The following PPARD variants were observed in gnomAD, a reference collection of about 807,000 sequenced individuals.
The protein encoded by PPARD is peroxisome proliferator-activated receptor delta.
Under a neutral mutation model 39.5 loss-of-function variants are expected in PPARD, and 6 were observed. The observed-to-expected ratio is 0.15, with a 90% CI of 0.08 to 0.30. PPARD has a LOEUF of 0.30. Ranked by LOEUF, PPARD falls within the 10% of genes least tolerant of loss-of-function variation. The probability of loss-of-function intolerance (pLI) is 1.00; values close to 1 mark genes in which losing one functional copy is unlikely to be tolerated. For synonymous variants in PPARD, 210 were observed against 231.3 expected, an observed-to-expected ratio of 0.91 and a Z score of 0.83; for missense variants, 397 against 596.8, an observed-to-expected ratio of 0.67 and a Z score of 3.49.
chr6:35,368,525 G>T (rs73745201), intron 2 of PPARD, among the ~76,000 whole-genome samples: 1 of 152,134 alleles, frequency 6.6e-6, no homozygotes, highest in African/African-American at 2.4e-5. Context: ...CAGGGATGGC[G>T]TCCAGGAACC....
chr6:35,358,109 C>G (rs540530402), intron 2 of PPARD, among the ~76,000 whole-genome samples: 11 of 152,236 alleles, frequency 7.2e-5, no homozygotes, highest in Admixed American at 3.3e-4. Flanking sequence ...GGGGATTATC[C>G]TAGATTATCT....
At chr6:35,388,120 C>T (rs570866351) in intron 2 of PPARD, among the ~76,000 whole-genome samples, 4 of 151,654 alleles carry the variant, frequency 2.6e-5, no homozygotes, top group African/African-American at 4.8e-5. Context: ...TTTTCCAGTG[C>T]GATCCTTCTA....
At chr6:35,389,418 TCTC>T (rs1344485710) in intron 2 of PPARD, among the ~76,000 whole-genome samples, 1 of 152,116 alleles carries the variant, frequency 6.6e-6, no homozygotes, top group Non-Finnish European at 1.5e-5. Context: ...TTCAGGCAAT[TCTC>T]CTGCCTCAGC....
rs542905547 is a variant in PPARD at position 35,383,321 on chromosome 6, C to T, written c.-101-27666C>T. Among the ~76,000 whole-genome samples, 4 of 151,556 alleles carry T rather than the reference C, an allele frequency of 2.6e-5. No homozygotes were observed. The South Asian group carries it at 8.4e-4, about 32-fold the overall frequency. The stretch of plus-strand genomic sequence containing the variant: ...GCTCAGCAAACAAATGGGTAACTTG[C>T]GCACTCAGTGCTCGGTGGTGCCCAG... On this transcript the variant is annotated intron_variant, in intron 2 of 7. Transcript: ENST00000360694.
intron 2 of PPARD, among the ~76,000 whole-genome samples, chr6:35,399,168 C>T (rs1214140029): frequency 6.6e-6 from 1 of 151,860 alleles, no homozygotes; most frequent in African/African-American, 2.4e-5. Context: ...TTTGGGAGGC[C>T]GAGGTAGGCG....
rs1334031163 is a variant in PPARD, at chr6:35,426,090, C to G, written c.*11C>G. 6 of 1,608,014 alleles carry G rather than the reference C, an allele frequency of 3.7e-6. No homozygotes were observed. The highest frequency in any genetic ancestry group is 1.3e-5 in the African/African-American group (1 of 74,876). On this transcript the variant is annotated 3_prime_UTR_variant, in exon 8 of 8. Transcript: ENST00000360694. ...AAGGACATGTACTAACGGCGGCACC[C>G]AGGCCTCCCTGCAGACTCCAATGGG...
At position 35,425,790 on chromosome 6, in the gene PPARD, A is replaced by G. The variant is rs374577931; in HGVS notation, c.1079-42A>G. ...CTTGGGGTGGAAGTAGGGGAGCTCC[A>G]CTGCCTTTCTGAGCTCCCTGGCGTG... is the stretch of plus-strand genomic sequence containing the variant. On this transcript the variant is annotated intron_variant, in intron 7 of 7. Coordinates refer to ENST00000360694, the MANE Select transcript of PPARD (RefSeq NM_006238.5). This position sits in a 1 kb window ranked among gnomAD's most constrained non-coding sequence, Gnocchi z 4.5. 10 of 1,604,768 alleles carry G rather than the reference A, an allele frequency of 6.2e-6. No individual in the cohort carries two copies. The highest frequency in any genetic ancestry group is 8.5e-6 in the Non-Finnish European group (10 of 1,175,508).
At chr6:35,406,481 G>C (rs1405115029) in intron 2 of PPARD, among the ~76,000 whole-genome samples, 2 of 152,160 alleles carry the variant, frequency 1.3e-5, no homozygotes, top group African/African-American at 4.8e-5. Flanking sequence ...AAAATGGCAG[G>C]CTTCTGGCAA....
intron 2 of PPARD, among the ~76,000 whole-genome samples, chr6:35,379,559 AGAGAG>A (rs1219995835): frequency 6.6e-6 from 1 of 152,248 alleles, no homozygotes; most frequent in Non-Finnish European, 1.5e-5. Flanking sequence ...CCCTCTTCTT[AGAGAG>A]GAGAGCTTGC....
At chr6:35,399,995 A>G (rs76502428) in intron 2 of PPARD, among the ~76,000 whole-genome samples, 3,053 of 152,272 alleles carry the variant, frequency 0.02, 46 homozygotes, top group African/African-American at 0.041. Context: ...TATAAGGGGA[A>G]GTATAGGGTC....
Position 35,363,564 on chromosome 6 carries a change from C to T in PPARD, c.-102+16414C>T, listed in dbSNP as rs1762035646. Among the ~76,000 whole-genome samples, 1 of 152,122 alleles carries T rather than the reference C, an allele frequency of 6.6e-6. No homozygotes were observed. Among genetic ancestry groups the T allele is most frequent in the African/African-American group, 2.4e-5 (1 of 41,428 alleles). ...GGTGCCTCAGCCTCCAGACGCTCTCCAGTAGGTCTGAGTAGGTGGTGTGGA... is the reference window on the plus strand; with the variant it reads ...GGTGCCTCAGCCTCCAGACGCTCTCTAGTAGGTCTGAGTAGGTGGTGTGGA... On this transcript the variant is annotated intron_variant, in intron 2 of 7. Coordinates refer to ENST00000360694, the MANE Select transcript of PPARD (RefSeq NM_006238.5). The surrounding 1 kb of genome is among the most constrained non-coding windows in gnomAD (Gnocchi z 4.5).
chr6:35,349,486 C>G (rs1461496188), intron 2 of PPARD, among the ~76,000 whole-genome samples: 1 of 152,062 alleles, frequency 6.6e-6, no homozygotes, highest in South Asian at 2.1e-4. Context: ...ATAAAAATGG[C>G]AAAAGAATCT....
intron 2 of PPARD, among the ~76,000 whole-genome samples, chr6:35,405,380 T>C (rs2150749577): frequency 6.6e-6 from 1 of 152,150 alleles, no homozygotes; most frequent in East Asian, 1.9e-4. Context: ...GGGACTACTT[T>C]TTGGTGAGGG....
chr6:35,367,396 A>AACTGGC (rs1212131918), intron 2 of PPARD, among the ~76,000 whole-genome samples: 1 of 152,144 alleles, frequency 6.6e-6, no homozygotes, highest in Non-Finnish European at 1.5e-5. Context: ...TAGTGATGGT[A>AACTGGC]ACTGGCACTG....
At chr6:35,359,687 A>G (rs1023379520) in intron 2 of PPARD, among the ~76,000 whole-genome samples, 1 of 152,210 alleles carries the variant, frequency 6.6e-6, no homozygotes, top group Admixed American at 6.5e-5. Flanking sequence ...CTGAGCCGGT[A>G]GATAACCTAG....
At chr6:35,374,302 C>T (rs112424601) in intron 2 of PPARD, among the ~76,000 whole-genome samples, 6,879 of 124,408 alleles carry the variant, frequency 0.055, 424 homozygotes, top group African/African-American at 0.25. Flanking sequence ...GGTTAGTTCT[C>T]GGCGGTGGGG....
chr6:35,409,748 G>C (rs1214070153), intron 2 of PPARD, among the ~76,000 whole-genome samples: 1 of 152,128 alleles, frequency 6.6e-6, no homozygotes, highest in Non-Finnish European at 1.5e-5. Flanking sequence ...TTATTGTTAA[G>C]TCCAAGCAAG....
chr6:35,402,837 T>C (rs1764792113), intron 2 of PPARD, among the ~76,000 whole-genome samples: 1 of 152,112 alleles, frequency 6.6e-6, no homozygotes, highest in South Asian at 2.1e-4. Flanking sequence ...GGATTAATGA[T>C]TGATAAGAAA....
chr6:35,423,952 G>A lies in PPARD; in HGVS notation c.431G>A (p.Arg144His), dbSNP rs1031275319. 3.7e-6 allele frequency: 6 copies of A among 1,613,970 alleles called. No individual in the cohort carries two copies. Among genetic ancestry groups the A allele is most frequent in the East Asian group, 2.2e-5 (1 of 44,890 alleles). Residue 144 changes from arginine (R) to histidine (H), a missense_variant, in exon 6 of 8, where the codon CGT becomes CAT. Physicochemically the swap from Arg to His is conservative, Grantham distance 29 (BLOSUM62 0). Transcript: ENST00000360694. The part of the protein sequence containing the change: ...LALGMSHNAI[R>H]FGRMPEAEKR... ...TGCCCCCTTCCCTGTGCAGCTATCC[G>A]TTTTGGTCGGATGCCGGAGGCTGAG...
Sources: gnomAD v4.1 joint callset for allele counts (sites outside exome capture counted in the v4.1 genomes callset) on GRCh38, gnomAD v4.1.1 for gene constraint, Gnocchi (gnomAD v3.1) non-coding constraint, MANE v1.5 for transcripts, NCBI Gene and HGNC (gene_info 2026-07-23, HGNC 2026-07-21) for gene names.